Variants in ARHGAP26 observed in about 807,000 individuals in gnomAD.
ARHGAP26 encodes Rho GTPase activating protein 26, also known as rho GTPase-activating protein 26.
ARHGAP26 carries 38 observed loss-of-function variants against 104.8 expected under a neutral mutation model. The observed-to-expected ratio is 0.36, with a 90% CI of 0.28 to 0.48. ARHGAP26 has a LOEUF of 0.48. ARHGAP26 is among the 20% of genes least tolerant of loss of function. The pLI is 0.99. For synonymous variants in ARHGAP26, 341 were observed against 340.0 expected, an observed-to-expected ratio of 1.00 and a Z score of -0.03; for missense variants, 704 against 947.9, an observed-to-expected ratio of 0.74 and a Z score of 3.38.
intron 11 of ARHGAP26, among the ~76,000 whole-genome samples, chr5:142,997,764 TTC>T (rs1484322684): frequency 6.6e-6 from 1 of 152,008 alleles, no homozygotes; most frequent in Non-Finnish European, 1.5e-5. Flanking sequence ...TTTTTTTTTT[TTC>T]ATTTTGTGGT....
At chr5:143,087,871 A>G (rs1790831854) in intron 17 of ARHGAP26, among the ~76,000 whole-genome samples, 1 of 147,302 alleles carries the variant, frequency 6.8e-6, no homozygotes, top group Non-Finnish European at 1.5e-5. Context: ...CTGGTCTCGA[A>G]CTCCTGACCT....
intron 1 of ARHGAP26, among the ~76,000 whole-genome samples, chr5:142,809,311 A>C (rs905442896): frequency 2.0e-5 from 3 of 152,242 alleles, no homozygotes; most frequent in Non-Finnish European, 2.9e-5. Flanking sequence ...AAAAAAATAT[A>C]GGTCTACTGT....
intron 22 of ARHGAP26, among the ~76,000 whole-genome samples, chr5:143,219,858 A>G (rs900349320): frequency 2.0e-5 from 3 of 152,188 alleles, no homozygotes; most frequent in Admixed American, 1.3e-4. Context: ...TCCGAAGCAC[A>G]TGGTCTGGCA....
chr5:142,889,744 A>G (rs2152417814), intron 5 of ARHGAP26, among the ~76,000 whole-genome samples: 1 of 152,264 alleles, frequency 6.6e-6, no homozygotes, highest in African/African-American at 2.4e-5. Context: ...CCCAGAAGGA[A>G]TGAGCTAATG....
chr5:142,858,484 G>C (rs1752775184), intron 1 of ARHGAP26, among the ~76,000 whole-genome samples: 1 of 152,136 alleles, frequency 6.6e-6, no homozygotes, highest in South Asian at 2.1e-4. Flanking sequence ...TGGCTGTTTT[G>C]TCTACATTTC....
At chr5:143,129,077 C>T (rs1221291531) in intron 18 of ARHGAP26, among the ~76,000 whole-genome samples, 1 of 152,164 alleles carries the variant, frequency 6.6e-6, no homozygotes, top group South Asian at 2.1e-4. Context: ...CAATGCTCTG[C>T]AATGTCAAGA....
intron 19 of ARHGAP26, among the ~76,000 whole-genome samples, chr5:143,141,289 C>T (rs1798503800): frequency 6.6e-6 from 1 of 152,212 alleles, no homozygotes; most frequent in Non-Finnish European, 1.5e-5. Flanking sequence ...ATACTTTTGG[C>T]ACTATCACCA....
At chr5:142,832,186 C>A (rs1357748360) in intron 1 of ARHGAP26, among the ~76,000 whole-genome samples, 1 of 152,038 alleles carries the variant, frequency 6.6e-6, no homozygotes, top group Non-Finnish European at 1.5e-5. Flanking sequence ...TATCTGTTTC[C>A]CTCTAATAAA....
At chr5:143,160,519 T>G (rs1288282420) in intron 20 of ARHGAP26, among the ~76,000 whole-genome samples, 1 of 151,666 alleles carries the variant, frequency 6.6e-6, no homozygotes, top group Non-Finnish European at 1.5e-5. Context: ...AGGGTCTCAC[T>G]CTGTTTCCCA....
rs543788970 is a variant in ARHGAP26, at chr5:143,098,670, C to T, written c.1539-22318C>T. Among the ~76,000 whole-genome samples, 136 of 152,286 alleles carry T rather than the reference C, an allele frequency of 8.9e-4. 1 individual carries two copies. In the South Asian group the frequency reaches 0.027, roughly 30 times the overall value. On this transcript the variant is annotated intron_variant, in intron 17 of 22. Coordinates refer to ENST00000645722, the MANE Select transcript of ARHGAP26 (RefSeq NM_001135608.3). ...AAAAACATGAAGATTGGACTTGAAT[C>T]ATGGATCTGTTCTTTCTTAGCTAGG...
intron 17 of ARHGAP26, among the ~76,000 whole-genome samples, chr5:143,118,796 G>C (rs1562459444): frequency 1.3e-5 from 2 of 151,964 alleles, no homozygotes; most frequent in Non-Finnish European, 2.9e-5. Context: ...TTGTGGGGTG[G>C]GGAGAGGGGG....
At chr5:143,095,697 T>G (rs892116709) in intron 17 of ARHGAP26, among the ~76,000 whole-genome samples, 1 of 152,152 alleles carries the variant, frequency 6.6e-6, no homozygotes, top group African/African-American at 2.4e-5. Context: ...CTCAGCCTCC[T>G]GGGTAGCAGG....
rs1456532461 is a variant in ARHGAP26, at chr5:142,949,419, A to T, written c.1107+17294A>T. On this transcript the variant is annotated intron_variant, in intron 11 of 22. Coordinates refer to ENST00000645722, the MANE Select transcript of ARHGAP26 (RefSeq NM_001135608.3). The stretch of plus-strand genomic sequence containing the variant: ...TTGCCACCGTCATCTCTCTAACCCT[A>T]AAATCCAGTCATTATGAGTATTGTC... 2.0e-5 allele frequency among the ~76,000 whole-genome samples: 3 copies of T among 152,086 alleles called. No homozygotes were observed. The East Asian group carries it at 5.8e-4, about 29-fold the overall frequency.
chr5:142,862,102 T>G (rs758647111), intron 1 of ARHGAP26, among the ~76,000 whole-genome samples: 2 of 152,202 alleles, frequency 1.3e-5, no homozygotes, highest in Non-Finnish European at 2.9e-5. Context: ...TTCCTTTTTT[T>G]CTTTTTGTTC....
chr5:143,016,104 C>G (rs950450079), intron 12 of ARHGAP26, among the ~76,000 whole-genome samples: 4 of 152,066 alleles, frequency 2.6e-5, no homozygotes, highest in African/African-American at 4.8e-5. Context: ...TAATACACAG[C>G]CTTTAGAAAG....
chr5:142,942,804 A>G lies in ARHGAP26; in HGVS notation c.1107+10679A>G, dbSNP rs142839663. Among the ~76,000 whole-genome samples, 394 of 152,174 alleles carry G rather than the reference A, an allele frequency of 2.6e-3. 9 individuals are homozygous for G. In the East Asian group the frequency reaches 0.042, roughly 16 times the overall value. The stretch of plus-strand genomic sequence containing the variant: ...TTGTTGTTGTTGTTGTTTTGGAGAC[A>G]GAGTCTCACTCTGTTGCCCATGCTG... On this transcript the variant is annotated intron_variant, in intron 11 of 22. Transcript: ENST00000645722.
intron 1 of ARHGAP26, among the ~76,000 whole-genome samples, chr5:142,776,103 A>G (rs1756262251): frequency 6.6e-6 from 1 of 152,198 alleles, no homozygotes; most frequent in African/African-American, 2.4e-5. Flanking sequence ...TTTACATTCC[A>G]TAAAATTCAC....
At chr5:143,083,601 C>T (rs1038329246) in intron 17 of ARHGAP26, among the ~76,000 whole-genome samples, 3 of 152,112 alleles carry the variant, frequency 2.0e-5, no homozygotes, top group African/African-American at 4.8e-5. Flanking sequence ...TGGGTTCAAG[C>T]GATGCTCCTG....
At chr5:143,051,416 A>G (rs1013949860) in intron 14 of ARHGAP26, among the ~76,000 whole-genome samples, 1 of 152,182 alleles carries the variant, frequency 6.6e-6, no homozygotes, top group East Asian at 1.9e-4. Flanking sequence ...TTGCTCCTCT[A>G]GTTTAGATCT....
Sources: allele counts gnomAD v4.1 joint callset (sites outside exome capture counted in the v4.1 genomes callset), GRCh38; gene constraint gnomAD v4.1.1; transcripts MANE v1.5; gene names NCBI Gene and HGNC (gene_info 2026-07-23, HGNC 2026-07-21).